ZNF449: variants seen among roughly 807,000 people sequenced by gnomAD.
The protein encoded by ZNF449 is zinc finger and SCAN domain-containing protein 19.
In ZNF449, 4 loss-of-function variants were observed where a neutral mutation model predicts 32.6. That is an observed-to-expected ratio of 0.12 (90% CI 0.06 to 0.28). The LOEUF is 0.28. ZNF449 is among the 10% of genes least tolerant of loss of function. The pLI is 1.00. For missense variants in ZNF449, 275 were observed against 383.2 expected, an observed-to-expected ratio of 0.72 and a Z score of 2.36; for synonymous variants, 123 against 132.2, an observed-to-expected ratio of 0.93 and a Z score of 0.48.
At chrX:135,355,151 A>G (rs1265670591) in intron 3 of ZNF449, among the ~76,000 whole-genome samples, 1 of 108,711 alleles carries the variant, frequency 9.2e-6, no homozygotes, top group Non-Finnish European at 1.9e-5. Flanking sequence ...TCTTTAATCT[A>G]TGAACTCCAG....
intron 1 of ZNF449, among the ~76,000 whole-genome samples, chrX:135,346,014 A>C (rs2084844637): frequency 8.9e-6 from 1 of 111,944 alleles, no homozygotes; most frequent in South Asian, 3.7e-4. Context: ...TCCCTCTGGC[A>C]TTTACCATGT....
chrX:135,346,312 G>A (rs1556448218), intron 1 of ZNF449, among the ~76,000 whole-genome samples: 1 of 111,932 alleles, frequency 8.9e-6, no homozygotes, highest in Non-Finnish European at 1.9e-5. Context: ...ATGGCATGGG[G>A]TTACTGGGGG....
At chrX:135,358,020 A>G (rs1429243813) in intron 3 of ZNF449, among the ~76,000 whole-genome samples, 1 of 111,451 alleles carries the variant, frequency 9.0e-6, no homozygotes, top group Non-Finnish European at 1.9e-5. Context: ...TCTGTTTTCT[A>G]TATGCCTCAA....
intron 3 of ZNF449, among the ~76,000 whole-genome samples, chrX:135,353,769 A>G (rs1321670822): frequency 1.8e-5 from 2 of 112,172 alleles, no homozygotes; most frequent in Non-Finnish European, 3.8e-5. Flanking sequence ...TAATTAGCAT[A>G]TCTGTCACCT....
intron 1 of ZNF449, among the ~76,000 whole-genome samples, chrX:135,346,192 T>C (rs1263418074): frequency 3.6e-5 from 4 of 112,021 alleles, no homozygotes; most frequent in Admixed American, 9.4e-5. Context: ...ACTCAATAAA[T>C]ATCCGTTGTT....
At chrX:135,354,838 A>T (rs1602688134) in intron 3 of ZNF449, among the ~76,000 whole-genome samples, 1 of 111,826 alleles carries the variant, frequency 8.9e-6, no homozygotes, top group East Asian at 2.8e-4. Context: ...TGGGTACCAG[A>T]TTCTGCTTCC....
At chrX:135,345,734 C>G (rs2084841236) in intron 1 of ZNF449, among the ~76,000 whole-genome samples, 1 of 111,503 alleles carries the variant, frequency 9.0e-6, no homozygotes, top group African/African-American at 3.3e-5. Flanking sequence ...GATACAAGGA[C>G]AGAGTGCTGA....
At chrX:135,359,835 T>G in intron 3 of ZNF449, 57 bp from the exon 4 acceptor site, 1 of 806,867 alleles carries the variant, frequency 1.2e-6, no homozygotes, top group Non-Finnish European at 1.8e-6. Context: ...CAGCCTAAAT[T>G]TTGGAAAAAC....
chrX:135,344,939 G>C (rs782245017), intron 1 of ZNF449, 104 bp downstream of exon 1: 4 of 112,946 alleles, frequency 3.5e-5, no homozygotes, highest in African/African-American at 9.6e-5. Flanking sequence ...GGTGATTCCA[G>C]CTGTGCCCCG....
chrX:135,344,986 C>T (rs1361680374), intron 1 of ZNF449, among the ~76,000 whole-genome samples, 151 bp downstream of exon 1: 1 of 112,564 alleles, frequency 8.9e-6, no homozygotes, highest in Non-Finnish European at 1.9e-5. Flanking sequence ...GGCGGTGGGC[C>T]CCTATCCGGC....
chrX:135,362,202 G>GAC lies in ZNF449; in HGVS notation c.*1136_*1137dup, dbSNP rs2084950868. The GAC allele has an allele frequency of 9.0e-6, 1 of 111,281 alleles. No individual in the cohort carries two copies. The highest frequency in any genetic ancestry group is 9.6e-5 in the Admixed American group (1 of 10,419). 9.2% of individuals were successfully genotyped at this position (111,281 alleles called of 1,213,427 possible). On this transcript the variant is annotated 3_prime_UTR_variant, in exon 5 of 5. Coordinates refer to ENST00000339249, the MANE Select transcript of ZNF449 (RefSeq NM_152695.6). ...TATGAATTTGTGTAACACACACAGA[G>GAC]ACACACACACATACTACTTTAAGGG...
At chrX:135,349,562 T>G (rs1556449740) in intron 3 of ZNF449, among the ~76,000 whole-genome samples, 1 of 111,663 alleles carries the variant, frequency 9.0e-6, no homozygotes, top group African/African-American at 3.3e-5. Context: ...ACAGGAAAAC[T>G]ATGGGAGTTT....
chrX:135,351,249 A>T (rs1324747546), intron 3 of ZNF449, among the ~76,000 whole-genome samples: 1 of 111,804 alleles, frequency 8.9e-6, no homozygotes, highest in East Asian at 2.8e-4. Flanking sequence ...TCAGGTGAGA[A>T]GATGTTGTTC....
chrX:135,361,121 A>C lies in ZNF449; in HGVS notation c.*45A>C. 42 of 1,048,948 alleles carry C rather than the reference A, an allele frequency of 4.0e-5. No homozygotes were observed. The highest frequency in any genetic ancestry group is 5.0e-5 in the Non-Finnish European group (40 of 792,758). 86.4% of individuals were successfully genotyped at this position (1,048,948 alleles called of 1,213,427 possible). On this transcript the variant is annotated 3_prime_UTR_variant, in exon 5 of 5. Transcript: ENST00000339249. ...GTCTTACACAAATTGACACTAACTCAAAAAAAATCTTAACCTGCAGCAGGC... is the reference window on the plus strand; with the variant it reads ...GTCTTACACAAATTGACACTAACTCCAAAAAAATCTTAACCTGCAGCAGGC...
At chrX:135,357,818 A>G (rs1451231491) in intron 3 of ZNF449, among the ~76,000 whole-genome samples, 4 of 110,817 alleles carry the variant, frequency 3.6e-5, no homozygotes, top group African/African-American at 1.3e-4. Context: ...TACTTGTATG[A>G]TATATCTTTT....
intron 3 of ZNF449, among the ~76,000 whole-genome samples, chrX:135,350,584 C>A (rs982757024): frequency 3.6e-5 from 4 of 112,258 alleles, no homozygotes; most frequent in Non-Finnish European, 5.6e-5. Context: ...CATTTGTACA[C>A]TATCTACGAG....
In ZNF449 at chrX:135,360,215, TGAA is replaced by T. The variant is rs782723436; in HGVS notation, c.702_704del (p.Glu234del). 1 of 1,184,118 alleles carries T rather than the reference TGAA, an allele frequency of 8.4e-7. No homozygotes were observed. Among genetic ancestry groups the T allele is most frequent in the South Asian group, 1.9e-5 (1 of 52,330 alleles). Reference sequence around the variant, plus strand: ...CAGGTTTTGAGATCGGGATAGAAAATGAAGAAGATACTTCAAAACAGAAAAAAA... The same window carrying T: ...CAGGTTTTGAGATCGGGATAGAAAATGAAGATACTTCAAAACAGAAAAAAA... On this transcript the variant is annotated inframe_deletion, in exon 5 of 5. Transcript: ENST00000339249.
intron 3 of ZNF449, among the ~76,000 whole-genome samples, chrX:135,354,484 A>T (rs2084906029): frequency 8.9e-6 from 1 of 112,242 alleles, no homozygotes; most frequent in African/African-American, 3.2e-5. Context: ...AATTGGTGAC[A>T]GTGTCCAGAA....
At chrX:135,350,272 A>G (rs1262159513) in intron 3 of ZNF449, among the ~76,000 whole-genome samples, 2 of 111,159 alleles carry the variant, frequency 1.8e-5, no homozygotes, top group African/African-American at 6.6e-5. Context: ...GGCGTGAGCC[A>G]TTACACCCGG....
Sources: gnomAD v4.1 joint callset for allele counts (sites outside exome capture counted in the v4.1 genomes callset) on GRCh38, gnomAD v4.1.1 for gene constraint, MANE v1.5 for transcripts, NCBI Gene and HGNC (gene_info 2026-07-23, HGNC 2026-07-21) for gene names.